The following SUPT3H variants were observed in gnomAD, a reference collection of about 807,000 sequenced individuals.
The protein encoded by SUPT3H is transcription initiation protein SPT3 homolog.
In SUPT3H, 44 loss-of-function variants were observed where a neutral mutation model predicts 44.3. That is an observed-to-expected ratio of 0.99 (90% CI 0.78 to 1.28). SUPT3H has a LOEUF of 1.28. Among genes scored for constraint, SUPT3H ranks in the 50% most tolerant of loss-of-function variants. SUPT3H has a pLI of 0.00. For missense variants in SUPT3H, 380 were observed against 387.1 expected, an observed-to-expected ratio of 0.98 and a Z score of 0.15; for synonymous variants, 124 against 125.6, an observed-to-expected ratio of 0.99 and a Z score of 0.09.
chr6:45,370,227 G>A (rs1188822998), intron 1 of SUPT3H, among the ~76,000 whole-genome samples: 1 of 152,178 alleles, frequency 6.6e-6, no homozygotes, highest in Non-Finnish European at 1.5e-5. Context: ...GAGATGATGA[G>A]AAGTGGTCAG....
chr6:44,862,057 A>C (rs546965356), intron 10 of SUPT3H, among the ~76,000 whole-genome samples: 1 of 152,230 alleles, frequency 6.6e-6, no homozygotes, highest in East Asian at 1.9e-4. Flanking sequence ...TAAATACAGC[A>C]TTCTCCATGC....
At chr6:45,304,936 G>A (rs1782753680) in intron 2 of SUPT3H, among the ~76,000 whole-genome samples, 1 of 152,114 alleles carries the variant, frequency 6.6e-6, no homozygotes, top group Admixed American at 6.6e-5. Context: ...ACAAACAGTT[G>A]ATTACAGAAA....
intron 7 of SUPT3H, among the ~76,000 whole-genome samples, chr6:44,957,362 G>A (rs976461013): frequency 3.3e-5 from 5 of 152,050 alleles, no homozygotes; most frequent in East Asian, 1.9e-4. Flanking sequence ...TCTCCCCAAC[G>A]TAACAAATCT....
chr6:44,838,560 A>G (rs1386852978), intron 10 of SUPT3H, among the ~76,000 whole-genome samples: 4 of 150,024 alleles, frequency 2.7e-5, no homozygotes, highest in South Asian at 2.1e-4. Context: ...GAGGAGAGAG[A>G]TCTTGACTTA....
intron 2 of SUPT3H, among the ~76,000 whole-genome samples, chr6:45,146,215 A>T (rs1275784118): frequency 6.6e-6 from 1 of 152,172 alleles, no homozygotes; most frequent in Non-Finnish European, 1.5e-5. Context: ...ATGCTTGCAC[A>T]CGCATGTTTA....
chr6:44,983,228 C>T (rs1779344148), intron 6 of SUPT3H, among the ~76,000 whole-genome samples: 1 of 152,096 alleles, frequency 6.6e-6, no homozygotes, highest in Admixed American at 6.6e-5. Flanking sequence ...TAGCCTCATA[C>T]TTTTCCACTA....
intron 10 of SUPT3H, among the ~76,000 whole-genome samples, chr6:44,912,142 T>C (rs1767143657): frequency 6.6e-6 from 1 of 152,132 alleles, no homozygotes; most frequent in African/African-American, 2.4e-5. Flanking sequence ...AGTGTACAAG[T>C]CAGTGGCATT....
At chr6:44,855,704 T>C (rs1467944166) in intron 10 of SUPT3H, among the ~76,000 whole-genome samples, 1 of 152,042 alleles carries the variant, frequency 6.6e-6, no homozygotes, top group African/African-American at 2.4e-5. Context: ...ACATTCTTTT[T>C]CTGTTTCGGT....
At chr6:44,947,360 A>T (rs2153470786) in intron 9 of SUPT3H, among the ~76,000 whole-genome samples, 1 of 152,318 alleles carries the variant, frequency 6.6e-6, no homozygotes, top group African/African-American at 2.4e-5. Flanking sequence ...ACATGGCTGG[A>T]ATGGCTAAAT....
At chr6:45,120,417 TAAAAAA>T (rs71687494) in intron 2 of SUPT3H, among the ~76,000 whole-genome samples, 5 of 50,510 alleles carry the variant, frequency 9.9e-5, no homozygotes, top group Non-Finnish European at 1.5e-4. Flanking sequence ...AGACCTTGTC[TAAAAAA>T]AAAAAAAAAA....
At chr6:45,309,357 A>C (rs1174919514) in intron 2 of SUPT3H, among the ~76,000 whole-genome samples, 2 of 151,916 alleles carry the variant, frequency 1.3e-5, no homozygotes, top group East Asian at 3.9e-4. Flanking sequence ...ACACGATGAA[A>C]TGAAATTAAA....
chr6:44,957,288 C>T lies in SUPT3H; in HGVS notation c.581-2681G>A, dbSNP rs75725023. On this transcript the variant is annotated intron_variant, in intron 7 of 10. Transcript: ENST00000371459. ...AAATCATGGAAAACATTAAGTCCTG[C>T]TATCGAAGCATATACCCAAAGCTGT... Among the ~76,000 whole-genome samples the T allele has an allele frequency of 3.3e-3, 498 of 152,222 alleles. 5 individuals carry two copies. The highest frequency in any genetic ancestry group is 0.011 in the African/African-American group (477 of 41,536).
chr6:45,177,076 T>C (rs1812083414), intron 2 of SUPT3H, among the ~76,000 whole-genome samples: 1 of 152,198 alleles, frequency 6.6e-6, no homozygotes, highest in African/African-American at 2.4e-5. Flanking sequence ...GGAGAATGAC[T>C]TTGACTAGCT....
chr6:45,157,161 T>G (rs920343486), intron 2 of SUPT3H, among the ~76,000 whole-genome samples: 1 of 152,194 alleles, frequency 6.6e-6, no homozygotes, highest in African/African-American at 2.4e-5. Context: ...GGACTATGTT[T>G]ATATACAACA....
At chr6:44,870,671 C>T (rs889511675) in intron 10 of SUPT3H, among the ~76,000 whole-genome samples, 6 of 151,560 alleles carry the variant, frequency 4.0e-5, no homozygotes, top group African/African-American at 9.7e-5. Flanking sequence ...GGAACAGCTC[C>T]AGTCTACAGC....
chr6:45,073,388 A>G (rs938806267), intron 3 of SUPT3H, among the ~76,000 whole-genome samples: 1 of 152,036 alleles, frequency 6.6e-6, no homozygotes, highest in African/African-American at 2.4e-5. Flanking sequence ...AAAAGCAATA[A>G]ATGTTTATCA....
intron 2 of SUPT3H, among the ~76,000 whole-genome samples, chr6:45,225,499 C>A (rs1461448122): frequency 2.0e-5 from 3 of 152,092 alleles, no homozygotes; most frequent in Non-Finnish European, 4.4e-5. Flanking sequence ...TTGGCCCCAG[C>A]TAAATCTATA....
chr6:44,822,207 T>G (rs1201532281), downstream of SUPT3H, among the ~76,000 whole-genome samples: 1 of 152,210 alleles, frequency 6.6e-6, no homozygotes, highest in Non-Finnish European at 1.5e-5. Context: ...ACATGTTGAT[T>G]GCTTGATTTT....
At chr6:45,252,745 T>C (rs1772599762) in intron 2 of SUPT3H, among the ~76,000 whole-genome samples, 1 of 152,184 alleles carries the variant, frequency 6.6e-6, no homozygotes, top group Non-Finnish European at 1.5e-5. Flanking sequence ...TCTACAAGCC[T>C]GTTATATGCC....
Sources: gnomAD v4.1 joint callset for allele counts (sites outside exome capture counted in the v4.1 genomes callset) on GRCh38, gnomAD v4.1.1 for gene constraint, MANE v1.5 for transcripts, NCBI Gene and HGNC (gene_info 2026-07-23, HGNC 2026-07-21) for gene names.